The following CSMD1 variants were observed in gnomAD, a reference collection of about 807,000 sequenced individuals.
CSMD1 encodes CUB and sushi domain-containing protein 1.
Under a neutral mutation model 417.5 loss-of-function variants are expected in CSMD1, and 213 were observed. The observed-to-expected ratio is 0.51, with a 90% CI of 0.46 to 0.57. The LOEUF is 0.57. CSMD1 is among the 20% of genes least tolerant of loss of function. CSMD1 has a pLI of 0.00. For missense variants in CSMD1, 6,923 were observed against 4,529.7 expected (o/e 1.53, Z -15.17); for synonymous variants, 2,862 against 1,736.8 (o/e 1.65, Z -16.11).
intron 1 of CSMD1, among the ~76,000 whole-genome samples, chr8:4,706,697 A>C (rs187042538): frequency 2.0e-5 from 3 of 152,308 alleles, no homozygotes; most frequent in Non-Finnish European, 2.9e-5. Context: ...TAATGGCATG[A>C]AAGTCCAAAA....
intron 5 of CSMD1, among the ~76,000 whole-genome samples, chr8:3,873,237 T>C (rs1805601173): frequency 6.6e-6 from 1 of 152,028 alleles, no homozygotes; most frequent in African/African-American, 2.4e-5. Context: ...CATTCTATCA[T>C]AAAGACACAT....
chr8:3,800,304 G>A (rs991832084), intron 5 of CSMD1, among the ~76,000 whole-genome samples: 2 of 151,958 alleles, frequency 1.3e-5, no homozygotes, highest in Non-Finnish European at 2.9e-5. Flanking sequence ...AGTTATACTG[G>A]GCAAATCACA....
chr8:3,726,720 T>G (rs908739864), intron 6 of CSMD1, among the ~76,000 whole-genome samples: 1 of 152,124 alleles, frequency 6.6e-6, no homozygotes, highest in African/African-American at 2.4e-5. Context: ...TATGGGCCCT[T>G]GAATACCAGA....
chr8:4,144,673 C>G (rs1288700626), intron 3 of CSMD1, among the ~76,000 whole-genome samples: 2 of 150,976 alleles, frequency 1.3e-5, no homozygotes, highest in Non-Finnish European at 2.9e-5. Flanking sequence ...ACCTCTATGT[C>G]CCGACTGTGC....
At chr8:4,165,757 G>A (rs1171667735) in intron 3 of CSMD1, among the ~76,000 whole-genome samples, 1 of 152,096 alleles carries the variant, frequency 6.6e-6, no homozygotes, top group Non-Finnish European at 1.5e-5. Context: ...ATTTCTTCCT[G>A]GTCATGCCAT....
intron 41 of CSMD1, among the ~76,000 whole-genome samples, chr8:3,123,828 C>T (rs1039355527): frequency 4.6e-5 from 7 of 152,210 alleles, no homozygotes; most frequent in Non-Finnish European, 8.8e-5. Flanking sequence ...AACAGAGACA[C>T]ACACACATTT....
chr8:3,115,884 G>A (rs917738910), intron 42 of CSMD1, among the ~76,000 whole-genome samples: 1 of 152,102 alleles, frequency 6.6e-6, no homozygotes, highest in African/African-American at 2.4e-5. Context: ...CAAGTCTACA[G>A]GGCTGGACCT....
At chr8:3,214,182 G>A (rs1317357551) in intron 30 of CSMD1, among the ~76,000 whole-genome samples, 2 of 152,020 alleles carry the variant, frequency 1.3e-5, no homozygotes, top group African/African-American at 2.4e-5. Context: ...GAGAGAGAGA[G>A]AAGTAACTAG....
At chr8:4,787,911 A>G in intron 1 of CSMD1, 1 of 1,590,248 alleles carries the variant, frequency 6.3e-7, no homozygotes, top group Non-Finnish European at 8.6e-7. Flanking sequence ...ATGTAACCAC[A>G]AAGAAATTGT....
intron 5 of CSMD1, among the ~76,000 whole-genome samples, chr8:3,847,777 G>C (rs1228031039): frequency 3.3e-5 from 5 of 152,134 alleles, no homozygotes; most frequent in African/African-American, 7.2e-5. Flanking sequence ...TTTATCATAA[G>C]TGATTAGGAA....
chr8:3,522,780 C>T (rs1019868126), intron 10 of CSMD1, among the ~76,000 whole-genome samples: 1 of 151,570 alleles, frequency 6.6e-6, no homozygotes, highest in African/African-American at 2.4e-5. Context: ...CCCAGGGAAC[C>T]CAACACATTT....
intron 3 of CSMD1, among the ~76,000 whole-genome samples, chr8:4,077,943 C>G (rs934503042): frequency 6.6e-6 from 1 of 152,100 alleles, no homozygotes; most frequent in African/African-American, 2.4e-5. Context: ...CCTTTACATA[C>G]CCATACTCGC....
chr8:3,301,722 C>G (rs920637870), intron 25 of CSMD1, among the ~76,000 whole-genome samples: 4 of 152,020 alleles, frequency 2.6e-5, no homozygotes, highest in Non-Finnish European at 5.9e-5. Context: ...AAGCCAAATT[C>G]TAGAGGGTAT....
intron 3 of CSMD1, among the ~76,000 whole-genome samples, chr8:4,158,378 T>C (rs1177923911): frequency 6.6e-6 from 1 of 151,812 alleles, no homozygotes; most frequent in Non-Finnish European, 1.5e-5. Context: ...GTAATATGAA[T>C]ACAGCCACTA....
intron 3 of CSMD1, among the ~76,000 whole-genome samples, chr8:4,035,476 G>T (rs1274757200): frequency 7.0e-6 from 1 of 142,500 alleles, no homozygotes; most frequent in Non-Finnish European, 1.5e-5. Context: ...ATTATCCTAG[G>T]AGATGAAAGC....
At chr8:3,438,792 G>A (rs1814742162) in intron 12 of CSMD1, among the ~76,000 whole-genome samples, 1 of 151,962 alleles carries the variant, frequency 6.6e-6, no homozygotes, top group Non-Finnish European at 1.5e-5. Flanking sequence ...CAATTGTCGG[G>A]TCATATGATA....
intron 10 of CSMD1, among the ~76,000 whole-genome samples, chr8:3,520,279 T>G (rs1275363996): frequency 6.6e-6 from 1 of 152,160 alleles, no homozygotes; most frequent in Non-Finnish European, 1.5e-5. Flanking sequence ...ACTTGAAGTT[T>G]CAACCTCCTC....
intron 3 of CSMD1, among the ~76,000 whole-genome samples, chr8:4,072,538 T>C (rs1328109223): frequency 6.6e-6 from 1 of 152,126 alleles, no homozygotes; most frequent in East Asian, 1.9e-4. Context: ...AATCACATAG[T>C]TTTAAGTATT....
chr8:3,738,596 A>C (rs1158425589), intron 6 of CSMD1, among the ~76,000 whole-genome samples: 1 of 152,134 alleles, frequency 6.6e-6, no homozygotes, highest in Non-Finnish European at 1.5e-5. Context: ...GATGGCAAAC[A>C]TCCTCAGGTG....
Sources: gnomAD v4.1 joint callset for allele counts (sites outside exome capture counted in the v4.1 genomes callset) on GRCh38, gnomAD v4.1.1 for gene constraint, MANE v1.5 for transcripts, NCBI Gene and HGNC (gene_info 2026-07-23, HGNC 2026-07-21) for gene names.